The following EGFL6 variants were observed in gnomAD, a reference collection of about 807,000 sequenced individuals.
EGFL6 encodes the protein EGF like domain multiple 6, also known as epidermal growth factor-like protein 6.
Under a neutral mutation model 43.1 loss-of-function variants are expected in EGFL6, and 42 were observed. That is an observed-to-expected ratio of 0.98 (90% confidence interval 0.76 to 1.26). EGFL6 has a LOEUF of 1.26. Ranked by LOEUF, EGFL6 falls within the 50% of genes most tolerant of loss-of-function variation. The probability of loss-of-function intolerance (pLI) is 0.00; values close to 1 mark genes in which losing one functional copy is unlikely to be tolerated. For missense variants in EGFL6, 429 were observed against 427.8 expected (o/e 1.00, Z -0.02); for synonymous variants, 164 against 163.2 (o/e 1.01, Z -0.04).
At chrX:13,600,280 CTTT>C (rs1231725425) in intron 4 of EGFL6, among the ~76,000 whole-genome samples, 186 bp downstream of exon 4, 1 of 44,278 alleles carries the variant, frequency 2.3e-5, no homozygotes, top group Non-Finnish European at 3.8e-5. Context: ...TTTCTTTCTT[CTTT>C]TTTTTTTTTT....
intron 8 of EGFL6, 63 bp downstream of exon 8, chrX:13,618,116 G>A: frequency 9.2e-7 from 1 of 1,084,598 alleles, no homozygotes; most frequent in Admixed American, 3.0e-5. Context: ...CCTGGCAAAT[G>A]AAAGAAGACA....
intron 1 of EGFL6, among the ~76,000 whole-genome samples, chrX:13,578,319 A>G (rs2045485301): frequency 9.2e-6 from 1 of 108,169 alleles, no homozygotes. Context: ...GAACACTTTT[A>G]CACTGTTGGT....
At chrX:13,593,041 A>G (rs1206109456) in intron 2 of EGFL6, among the ~76,000 whole-genome samples, 2 of 108,363 alleles carry the variant, frequency 1.8e-5, no homozygotes, top group East Asian at 5.8e-4. Flanking sequence ...CAGTCTCCCA[A>G]GTAGCTAGGA....
chrX:13,585,876 G>A (rs746299185), intron 1 of EGFL6, among the ~76,000 whole-genome samples: 1 of 111,448 alleles, frequency 9.0e-6, no homozygotes, highest in South Asian at 3.7e-4. Flanking sequence ...TGCTCCCCCA[G>A]GCATCAGCTT....
chrX:13,600,033 C>A lies in EGFL6; in HGVS notation c.339C>A (p.His113Gln), dbSNP rs778515412. 2.2e-5 allele frequency: 26 copies of A among 1,208,849 alleles called. No individual in the cohort carries two copies. Among genetic ancestry groups the A allele is most frequent in the Non-Finnish European group, 2.8e-5 (25 of 894,365 alleles). ...GCCAACACAGATGTGTGAATACACA[C>A]GGAAGCTACAAGTGCTTTTGCCTCA... ...RPCQHRCVNT[H>Q]GSYKCFCLSG... Residue 113 changes from histidine to glutamine, a missense_variant, in exon 4 of 12, where the codon CAC becomes CAA. Coordinates refer to ENST00000361306, the MANE Select transcript of EGFL6 (RefSeq NM_015507.4).
In EGFL6 at chrX:13,569,655, G is replaced by A. The variant is rs1030272027; in HGVS notation, c.-207G>A. The A allele has an allele frequency of 2.6e-6, 1 of 392,015 alleles. No homozygotes were observed. Among genetic ancestry groups the A allele is most frequent in the Non-Finnish European group, 4.4e-6 (1 of 225,370 alleles). The allele number at this position is 392,015 out of a possible 1,213,427, so 32.3% of individuals were successfully genotyped here. On this transcript the variant is annotated 5_prime_UTR_variant, in exon 1 of 12. Coordinates refer to ENST00000361306, the MANE Select transcript of EGFL6 (RefSeq NM_015507.4). ...GAGCCTCGGCCAGGCTTGCCAGGGCGCCCCCAGCCCCTCCCCAGGCCGCGA... is the reference window on the plus strand; with the variant it reads ...GAGCCTCGGCCAGGCTTGCCAGGGCACCCCCAGCCCCTCCCCAGGCCGCGA...
intron 9 of EGFL6, among the ~76,000 whole-genome samples, chrX:13,622,965 G>A (rs981998988): frequency 3.6e-5 from 4 of 111,239 alleles, no homozygotes; most frequent in Non-Finnish European, 5.7e-5. Context: ...CAGGTGGATC[G>A]TTTGAGCCCA....
At chrX:13,618,406 G>T (rs948181034) in intron 8 of EGFL6, among the ~76,000 whole-genome samples, 62 of 112,739 alleles carry the variant, frequency 5.5e-4, no homozygotes, top group African/African-American at 2.0e-3. Flanking sequence ...TCAAAGAGAG[G>T]CTCACCACAT....
chrX:13,624,595 T>C (rs1366686357), intron 10 of EGFL6, among the ~76,000 whole-genome samples: 2 of 111,856 alleles, frequency 1.8e-5, no homozygotes, highest in Non-Finnish European at 3.8e-5. Context: ...GTCTTGCAGA[T>C]CCCATTTAGA....
intron 5 of EGFL6, among the ~76,000 whole-genome samples, chrX:13,605,033 C>T (rs1454217154): frequency 1.1e-5 from 1 of 92,657 alleles, no homozygotes; most frequent in Non-Finnish European, 2.2e-5. Context: ...TAATTAGGTT[C>T]ACAGGATTTA....
At chrX:13,598,902 C>CAT (rs1231622078) in intron 3 of EGFL6, among the ~76,000 whole-genome samples, 29 of 101,543 alleles carry the variant, frequency 2.9e-4, no homozygotes, top group African/African-American at 1.0e-3. Flanking sequence ...ATATATAATT[C>CAT]ATATATATAT....
intron 5 of EGFL6, among the ~76,000 whole-genome samples, chrX:13,603,833 T>C (rs1306351117): frequency 1.8e-5 from 2 of 112,072 alleles, no homozygotes; most frequent in Non-Finnish European, 3.8e-5. Context: ...TATTTACTTA[T>C]TTTTTAGATA....
chrX:13,594,823 T>C lies in EGFL6; in HGVS notation c.188-13T>C, dbSNP rs2045587653. Reference sequence around the variant, plus strand: ...CTGTTCTTTTATCATCAAGACATCTTTTCCTTCCACAGCTACATGCGAACC... The same window carrying C: ...CTGTTCTTTTATCATCAAGACATCTCTTCCTTCCACAGCTACATGCGAACC... On this transcript the variant is annotated splice_polypyrimidine_tract_variant and intron_variant, in intron 2 of 11. Coordinates refer to ENST00000361306, the MANE Select transcript of EGFL6 (RefSeq NM_015507.4). 2 of 1,202,409 alleles carry C rather than the reference T, an allele frequency of 1.7e-6. No homozygotes were observed. Among genetic ancestry groups the C allele is most frequent in the African/African-American group, 3.5e-5 (2 of 56,953 alleles).
intron 2 of EGFL6, among the ~76,000 whole-genome samples, chrX:13,593,613 G>T (rs1188859496): frequency 1.8e-5 from 2 of 111,799 alleles, no homozygotes; most frequent in African/African-American, 6.5e-5. Flanking sequence ...CACAAGCTGT[G>T]GTGGGGAAAG....
At position 13,577,475 on chromosome X, in the gene EGFL6, A is replaced by T. The variant is rs771341083; in HGVS notation, c.74+7540A>T. On this transcript the variant is annotated intron_variant, in intron 1 of 11. Transcript: ENST00000361306. The stretch of plus-strand genomic sequence containing the variant: ...CATATTATATATATACATATATATA[A>T]AAACATATAAAACATTCCACAGAAT... 2.8e-5 allele frequency among the ~76,000 whole-genome samples: 3 copies of T among 106,331 alleles called. No individual in the cohort carries two copies. In the East Asian group the frequency reaches 8.5e-4, roughly 30 times the overall value. 92.3% of individuals were successfully genotyped at this position (106,331 alleles called of 115,157 possible).
chrX:13,578,512 A>G (rs1018009500), intron 1 of EGFL6, among the ~76,000 whole-genome samples: 4 of 107,675 alleles, frequency 3.7e-5, no homozygotes, highest in African/African-American at 1.3e-4. Context: ...CACAATAGCA[A>G]AGACTTGGAA....
At chrX:13,598,249 A>G (rs144560360) in intron 3 of EGFL6, among the ~76,000 whole-genome samples, 1,724 of 112,349 alleles carry the variant, frequency 0.015, 31 homozygotes, top group African/African-American at 0.053. Context: ...ATGGTAGGGT[A>G]AAGGGGATAG....
intron 7 of EGFL6, among the ~76,000 whole-genome samples, chrX:13,617,268 T>A (rs2045724092): frequency 8.9e-6 from 1 of 112,199 alleles, no homozygotes; most frequent in African/African-American, 3.2e-5. Context: ...AAGTCACCAT[T>A]TTTGTAGGTC....
At chrX:13,594,477 T>C (rs2045585380) in intron 2 of EGFL6, among the ~76,000 whole-genome samples, 1 of 111,842 alleles carries the variant, frequency 8.9e-6, no homozygotes. Context: ...ATTTTGATCA[T>C]TTAAAAGAGA....
Sources: allele counts gnomAD v4.1 joint callset (sites outside exome capture counted in the v4.1 genomes callset), GRCh38; gene constraint gnomAD v4.1.1; transcripts MANE v1.5; gene names NCBI Gene and HGNC (gene_info 2026-07-23, HGNC 2026-07-21).